The following SUPT3H variants were observed in gnomAD, a reference collection of about 807,000 sequenced individuals.
SUPT3H encodes the protein transcription initiation protein SPT3 homolog.
In SUPT3H, 44 loss-of-function variants were observed where a neutral mutation model predicts 44.3. That is an observed-to-expected ratio of 0.99 (90% CI 0.78 to 1.28). SUPT3H has a LOEUF of 1.28. Ranked by LOEUF, SUPT3H falls within the 50% of genes most tolerant of loss-of-function variation. The pLI is 0.00. For missense variants in SUPT3H, 380 were observed against 387.1 expected (o/e 0.98, Z 0.15); for synonymous variants, 124 against 125.6 (o/e 0.99, Z 0.09).
chr6:45,135,811 AAGCCATCC>A (rs766111973), intron 2 of SUPT3H, among the ~76,000 whole-genome samples: 2 of 152,170 alleles, frequency 1.3e-5, no homozygotes, highest in African/African-American at 2.4e-5. Context: ...TGTTATTAAA[AAGCCATCC>A]AGTCCATGAT....
chr6:45,062,502 G>C (rs1474988208), intron 3 of SUPT3H, among the ~76,000 whole-genome samples: 3 of 152,316 alleles, frequency 2.0e-5, no homozygotes, highest in East Asian at 1.9e-4. Context: ...AGCTCCCAGC[G>C]TGAGCGACGC....
chr6:45,059,984 T>TAGGAAGAATCAATATCGTGAAAATGGCCA (rs1562361735), intron 3 of SUPT3H, among the ~76,000 whole-genome samples: 2 of 152,096 alleles, frequency 1.3e-5, no homozygotes, highest in Non-Finnish European at 2.9e-5. Context: ...TGCTCATAGA[T>TAGGAAGAATCAATATCGTGAAAATGGCCA]AGGAAGAATC....
chr6:45,099,802 C>T (rs1181452904), intron 3 of SUPT3H, among the ~76,000 whole-genome samples: 1 of 152,062 alleles, frequency 6.6e-6, no homozygotes, highest in East Asian at 1.9e-4. Flanking sequence ...AAATGGCAAT[C>T]TAAAAATGAA....
At chr6:45,257,675 C>T (rs979647651) in intron 2 of SUPT3H, among the ~76,000 whole-genome samples, 5 of 152,196 alleles carry the variant, frequency 3.3e-5, no homozygotes, top group East Asian at 3.9e-4. Context: ...CTTCTTGCTG[C>T]GGCATCCCAT....
intron 2 of SUPT3H, among the ~76,000 whole-genome samples, chr6:45,173,035 C>T (rs772742062): frequency 3.3e-5 from 5 of 152,012 alleles, no homozygotes; most frequent in East Asian, 3.9e-4. Context: ...GCAAACAAAG[C>T]GTATAGATTT....
At chr6:45,224,147 TAC>T in intron 2 of SUPT3H, among the ~76,000 whole-genome samples, 1 of 151,594 alleles carries the variant, frequency 6.6e-6, no homozygotes, top group African/African-American at 2.4e-5. Flanking sequence ...TATATATATA[TAC>T]ATATAAATGT....
At chr6:45,282,670 T>C (rs1163002532) in intron 2 of SUPT3H, among the ~76,000 whole-genome samples, 2 of 152,254 alleles carry the variant, frequency 1.3e-5, no homozygotes, top group East Asian at 1.9e-4. Flanking sequence ...TGCAGGATAT[T>C]ATCCAGAAGA....
At position 44,964,361 on chromosome 6, in the gene SUPT3H, G is replaced by GGATAACTATGGAAAAAGAATGTTCCTAAA. The variant is rs565299242; in HGVS notation, c.505-2562_505-2534dup. On this transcript the variant is annotated intron_variant, in intron 6 of 10. Coordinates refer to ENST00000371459, the MANE Select transcript of SUPT3H (RefSeq NM_003599.4). ...ATAAATGGCTGGACAGAAAAGATTT[G>GGATAACTATGGAAAAAGAATGTTCCTAAA]GATAACTATGGAAAAAGAATGTTCC... Among the ~76,000 whole-genome samples the GGATAACTATGGAAAAAGAATGTTCCTAAA allele has an allele frequency of 5.7e-3, 869 of 152,074 alleles. 5 individuals carry two copies. Among genetic ancestry groups the GGATAACTATGGAAAAAGAATGTTCCTAAA allele is most frequent in the Non-Finnish European group, 9.6e-3 (656 of 68,002 alleles).
At chr6:45,191,275 A>C (rs1182482828) in intron 2 of SUPT3H, among the ~76,000 whole-genome samples, 1 of 152,130 alleles carries the variant, frequency 6.6e-6, no homozygotes, top group Non-Finnish European at 1.5e-5. Context: ...ACATGGAAGA[A>C]CCTTAGATGT....
intron 10 of SUPT3H, among the ~76,000 whole-genome samples, chr6:44,910,681 T>C (rs1445453444): frequency 4.2e-5 from 5 of 119,724 alleles, no homozygotes; most frequent in African/African-American, 1.5e-4. Flanking sequence ...TTAGAAAATG[T>C]ATTTTCTTTC....
intron 10 of SUPT3H, among the ~76,000 whole-genome samples, chr6:44,862,479 C>A (rs1475832820): frequency 1.3e-5 from 2 of 151,774 alleles, no homozygotes; most frequent in African/African-American, 4.8e-5. Flanking sequence ...GAGTTTGAGA[C>A]CAGCCTGGCC....
chr6:45,188,865 G>C (rs76093909), intron 2 of SUPT3H, among the ~76,000 whole-genome samples: 1 of 152,146 alleles, frequency 6.6e-6, no homozygotes, highest in Non-Finnish European at 1.5e-5. Flanking sequence ...CGTCATTGCA[G>C]ACTTTTTGTT....
At chr6:45,134,571 T>C (rs753327659) in intron 2 of SUPT3H, among the ~76,000 whole-genome samples, 1 of 152,126 alleles carries the variant, frequency 6.6e-6, no homozygotes, top group African/African-American at 2.4e-5. Context: ...CTGAGGCAAA[T>C]TCCTCTCCAG....
intron 2 of SUPT3H, among the ~76,000 whole-genome samples, chr6:45,281,867 C>T (rs1024624361): frequency 7.2e-5 from 11 of 152,160 alleles, no homozygotes; most frequent in Non-Finnish European, 1.6e-4. Flanking sequence ...CCTCACATGG[C>T]CGGGTACCCC....
intron 3 of SUPT3H, among the ~76,000 whole-genome samples, chr6:45,045,197 C>T (rs759995079): frequency 4.6e-5 from 7 of 152,132 alleles, no homozygotes; most frequent in Middle Eastern, 3.4e-3. Flanking sequence ...TTCAAGAAAC[C>T]AGCTGGAAGA....
intron 5 of SUPT3H, among the ~76,000 whole-genome samples, chr6:45,004,293 G>C (rs975618030): frequency 6.6e-6 from 1 of 151,876 alleles, no homozygotes; most frequent in African/African-American, 2.4e-5. Flanking sequence ...ATTTTAAACG[G>C]CCATAAACTT....
chr6:45,340,272 G>A (rs1415475467), intron 2 of SUPT3H, among the ~76,000 whole-genome samples: 1 of 152,042 alleles, frequency 6.6e-6, no homozygotes, highest in Non-Finnish European at 1.5e-5. Flanking sequence ...GAACCAAAGA[G>A]ATTAAGAAAA....
At chr6:45,292,106 C>T (rs1407258468) in intron 2 of SUPT3H, among the ~76,000 whole-genome samples, 1 of 152,168 alleles carries the variant, frequency 6.6e-6, no homozygotes, top group East Asian at 1.9e-4. Context: ...AGAAACCCTA[C>T]AAGCTAGGAG....
At chr6:45,060,231 T>A (rs371025323) in intron 3 of SUPT3H, among the ~76,000 whole-genome samples, 2 of 152,152 alleles carry the variant, frequency 1.3e-5, no homozygotes, top group East Asian at 3.9e-4. Flanking sequence ...AACAGCAAGG[T>A]ACTGGCACAA....
Sources: allele counts gnomAD v4.1 joint callset (sites outside exome capture counted in the v4.1 genomes callset), GRCh38; gene constraint gnomAD v4.1.1; transcripts MANE v1.5; gene names NCBI Gene and HGNC (gene_info 2026-07-23, HGNC 2026-07-21).